Variants in PTCHD4 observed in about 807,000 individuals in gnomAD.
PTCHD4 encodes the protein patched domain-containing protein 4.
A neutral mutation model predicts 58.1 loss-of-function variants in PTCHD4; 33 were observed. The observed-to-expected ratio is 0.57, with a 90% confidence interval of 0.43 to 0.76. The LOEUF (loss-of-function observed/expected upper bound fraction) is 0.76, where lower values mean the gene tolerates loss of function less well. Among genes scored for constraint, PTCHD4 ranks in the 30% least tolerant of loss-of-function variants. PTCHD4 has a pLI of 0.00. For missense variants in PTCHD4, 1,058 were observed against 1,027.1 expected, an observed-to-expected ratio of 1.03 and a Z score of -0.41; for synonymous variants, 478 against 409.6, an observed-to-expected ratio of 1.17 and a Z score of -2.02.
intron 4 of PTCHD4, among the ~76,000 whole-genome samples, chr6:47,907,868 C>A (rs1764949149): frequency 6.6e-6 from 1 of 152,050 alleles, no homozygotes; most frequent in Non-Finnish European, 1.5e-5. Context: ...GTAGGGGAAA[C>A]CTGGACTCCC....
intron 3 of PTCHD4, among the ~76,000 whole-genome samples, chr6:48,067,851 T>C (rs1764851778): frequency 6.6e-6 from 1 of 152,148 alleles, no homozygotes. Context: ...GTATTTGTTT[T>C]GTTTGGCCTT....
intron 3 of PTCHD4, among the ~76,000 whole-genome samples, chr6:48,017,768 C>T (rs900214179): frequency 1.3e-5 from 2 of 152,138 alleles, no homozygotes; most frequent in East Asian, 3.8e-4. Flanking sequence ...TCACTTGATT[C>T]GTGTGTCTGA....
intron 4 of PTCHD4, among the ~76,000 whole-genome samples, chr6:47,950,730 G>A (rs551209225): frequency 6.6e-6 from 1 of 152,262 alleles, no homozygotes; most frequent in South Asian, 2.1e-4. Flanking sequence ...GGGGATGACG[G>A]AACATAGATG....
intron 1 of PTCHD4, among the ~76,000 whole-genome samples, chr6:48,073,813 A>G (rs1038418318): frequency 2.0e-5 from 3 of 152,112 alleles, no homozygotes; most frequent in Non-Finnish European, 4.4e-5. Context: ...TCACTTTTTC[A>G]TGCATCTCTC....
At chr6:47,926,523 C>T (rs1045918385) in intron 4 of PTCHD4, among the ~76,000 whole-genome samples, 2 of 152,138 alleles carry the variant, frequency 1.3e-5, no homozygotes, top group East Asian at 1.9e-4. Context: ...GACTCTCAGG[C>T]CCCATCCAAG....
At chr6:47,904,284 T>A (rs977918288) in intron 4 of PTCHD4, among the ~76,000 whole-genome samples, 2 of 152,200 alleles carry the variant, frequency 1.3e-5, no homozygotes, top group African/African-American at 4.8e-5. Context: ...ATTACAGATG[T>A]GTTATCTAAA....
rs1212250811 is a variant in PTCHD4 at position 47,877,200 on chromosome 6, G to T, written c.*1103C>A. ...TTCACTCTACGAGTTTCCTAGTTATGTCTCCTTTCTCCTATGTTAATTATC... is the reference window on the plus strand; with the variant it reads ...TTCACTCTACGAGTTTCCTAGTTATTTCTCCTTTCTCCTATGTTAATTATC... On this transcript the variant is annotated 3_prime_UTR_variant, in exon 5 of 5. Coordinates refer to ENST00000339488, the MANE Select transcript of PTCHD4 (RefSeq NM_001384253.1). Among the ~76,000 whole-genome samples the T allele has an allele frequency of 6.6e-6, 1 of 151,956 alleles. No individual in the cohort carries two copies. Among genetic ancestry groups the T allele is most frequent in the Non-Finnish European group, 1.5e-5 (1 of 67,950 alleles).
At chr6:47,935,554 C>T (rs781702746) in intron 4 of PTCHD4, among the ~76,000 whole-genome samples, 1 of 152,060 alleles carries the variant, frequency 6.6e-6, no homozygotes, top group South Asian at 2.1e-4. Context: ...CCCAAGAAAG[C>T]ATTTTAGGAG....
chr6:47,976,538 C>A (rs1381978555), intron 4 of PTCHD4, among the ~76,000 whole-genome samples: 2 of 151,922 alleles, frequency 1.3e-5, no homozygotes, highest in Non-Finnish European at 2.9e-5. Context: ...CCTGTAATCC[C>A]AGTTACTTGG....
chr6:47,922,221 T>G (rs1279627627), intron 4 of PTCHD4, among the ~76,000 whole-genome samples: 1 of 152,178 alleles, frequency 6.6e-6, no homozygotes, highest in East Asian at 1.9e-4. Context: ...TATATTCAAA[T>G]TTTCATTTTC....
chr6:47,951,037 A>C (rs1218118798), intron 4 of PTCHD4, among the ~76,000 whole-genome samples: 1 of 152,220 alleles, frequency 6.6e-6, no homozygotes, highest in Non-Finnish European at 1.5e-5. Flanking sequence ...AAAGAAAAAA[A>C]TCAAGGATTT....
chr6:47,951,469 C>T (rs773059302), intron 4 of PTCHD4, among the ~76,000 whole-genome samples: 8 of 152,178 alleles, frequency 5.3e-5, no homozygotes, highest in Non-Finnish European at 1.2e-4. Context: ...ATTATATCAA[C>T]ATACTACAAT....
At chr6:47,989,385 C>G (rs1422859668) in intron 4 of PTCHD4, among the ~76,000 whole-genome samples, 1 of 152,132 alleles carries the variant, frequency 6.6e-6, no homozygotes, top group African/African-American at 2.4e-5. Context: ...ATAAGTTAAT[C>G]ACAAAGACAA....
intron 4 of PTCHD4, among the ~76,000 whole-genome samples, chr6:47,965,130 G>T (rs980044491): frequency 4.6e-5 from 7 of 152,014 alleles, no homozygotes; most frequent in African/African-American, 1.7e-4. Flanking sequence ...TTTTTAATTG[G>T]GTACTAACGG....
intron 1 of PTCHD4, among the ~76,000 whole-genome samples, chr6:48,076,182 C>T (rs1045495206): frequency 2.6e-5 from 4 of 152,234 alleles, no homozygotes; most frequent in Non-Finnish European, 4.4e-5. Flanking sequence ...AACAACTCTT[C>T]ATCCATTAAA....
At chr6:48,017,810 T>C (rs956263183) in intron 3 of PTCHD4, among the ~76,000 whole-genome samples, 2 of 152,264 alleles carry the variant, frequency 1.3e-5, no homozygotes, top group African/African-American at 4.8e-5. Context: ...GCCCATATAT[T>C]TGAATAATTT....
chr6:47,913,840 C>T lies in PTCHD4; in HGVS notation c.899-33904G>A, dbSNP rs115869107. Among the ~76,000 whole-genome samples the T allele has an allele frequency of 2.5e-3, 387 of 152,238 alleles. 3 individuals carry two copies. The highest frequency in any genetic ancestry group is 8.7e-3 in the African/African-American group (362 of 41,566). On this transcript the variant is annotated intron_variant, in intron 4 of 4. Transcript: ENST00000339488. ...TAGATTCTAATGCCCCTTCTCTAAA[C>T]ATTTTTCTGTGATTGAGTTGGAGTT...
chr6:48,013,321 T>C (rs141597501), intron 3 of PTCHD4, among the ~76,000 whole-genome samples: 9 of 152,082 alleles, frequency 5.9e-5, no homozygotes, highest in African/African-American at 1.7e-4. Flanking sequence ...AATCATTCTA[T>C]TTATCTCAAT....
rs545090969 is a variant in PTCHD4 at position 48,092,417 on chromosome 6, C to A, written c.-970+18632G>T. 5.9e-5 allele frequency among the ~76,000 whole-genome samples: 9 copies of A among 152,164 alleles called. No individual in the cohort carries two copies. In the South Asian group the frequency reaches 1.9e-3, roughly 32 times the overall value. Reference sequence around the variant, plus strand: ...ATATGCAGCTAGGGGATCCATCGGCCAGTATTGAGAGGTATTAAGATGAGA... The same window carrying A: ...ATATGCAGCTAGGGGATCCATCGGCAAGTATTGAGAGGTATTAAGATGAGA... On this transcript the variant is annotated intron_variant, in intron 1 of 4. Coordinates refer to ENST00000339488, the MANE Select transcript of PTCHD4 (RefSeq NM_001384253.1).
Sources: gnomAD v4.1 joint callset for allele counts (sites outside exome capture counted in the v4.1 genomes callset) on GRCh38, gnomAD v4.1.1 for gene constraint, MANE v1.5 for transcripts, NCBI Gene and HGNC (gene_info 2026-07-23, HGNC 2026-07-21) for gene names.